Variants in RAB10 observed in about 807,000 individuals in gnomAD.
RAB10 encodes the protein ras-related protein Rab-10.
Under a neutral mutation model 25.7 loss-of-function variants are expected in RAB10, and 5 were observed. The ratio of observed to expected loss-of-function variants is 0.19; its 90% CI spans 0.10 to 0.41. RAB10 has a LOEUF of 0.41. RAB10 is among the 10% of genes least tolerant of loss of function. RAB10 has a pLI of 1.00. For missense variants in RAB10, 103 were observed against 245.8 expected (o/e 0.42, Z 3.89); for synonymous variants, 89 against 86.4 (o/e 1.03, Z -0.16).
At chr2:26,115,709 T>C (rs1667669754) in intron 3 of RAB10, among the ~76,000 whole-genome samples, 1 of 152,142 alleles carries the variant, frequency 6.6e-6, no homozygotes, top group Admixed American at 6.6e-5. Flanking sequence ...AATTGTATAT[T>C]TTTACAGGGT....
At chr2:26,111,010 G>T (rs908354495) in intron 3 of RAB10, among the ~76,000 whole-genome samples, 4 of 152,106 alleles carry the variant, frequency 2.6e-5, no homozygotes, top group Non-Finnish European at 5.9e-5. Flanking sequence ...CCAGCCTGAT[G>T]TTACTTTTTA....
chr2:26,107,645 C>A (rs4665308), intron 2 of RAB10, among the ~76,000 whole-genome samples: 116,401 of 151,842 alleles, frequency 0.77, 44,672 homozygotes, highest in East Asian at 0.87. Flanking sequence ...AAAATACAAC[C>A]GTTGGCTGGG....
At chr2:26,092,821 G>A (rs560822778) in intron 1 of RAB10, among the ~76,000 whole-genome samples, 23 of 152,192 alleles carry the variant, frequency 1.5e-4, no homozygotes, top group African/African-American at 3.9e-4. Context: ...CTAGACAGCC[G>A]GGTCATTTTA....
chr2:26,064,865 A>G (rs1666480524), intron 1 of RAB10, among the ~76,000 whole-genome samples: 1 of 152,068 alleles, frequency 6.6e-6, no homozygotes, highest in African/African-American at 2.4e-5. Flanking sequence ...TAGTCAACCT[A>G]GCAAGACTCC....
chr2:26,071,328 G>A (rs555800933), intron 1 of RAB10, among the ~76,000 whole-genome samples: 1 of 152,288 alleles, frequency 6.6e-6, no homozygotes, highest in African/African-American at 2.4e-5. Flanking sequence ...TGAGTCCTTG[G>A]CAGATACTGT....
intron 1 of RAB10, among the ~76,000 whole-genome samples, chr2:26,094,359 C>T (rs541913951): frequency 3.9e-5 from 6 of 151,936 alleles, no homozygotes; most frequent in African/African-American, 1.4e-4. Flanking sequence ...TCAAGCAATT[C>T]CCCTATCTCA....
At chr2:26,130,235 A>G (rs1433449715) in intron 5 of RAB10, among the ~76,000 whole-genome samples, 1 of 152,194 alleles carries the variant, frequency 6.6e-6, no homozygotes, top group Non-Finnish European at 1.5e-5. Flanking sequence ...AAATAAATCT[A>G]TATTATTTAT....
chr2:26,135,629 G>T lies in RAB10; in HGVS notation c.*608G>T, dbSNP rs1199260970. 6.6e-6 allele frequency: 1 copy of T among 152,598 alleles called. No individual in the cohort carries two copies. The highest frequency in any genetic ancestry group is 1.5e-5 in the Non-Finnish European group (1 of 68,030). The allele number at this position is 152,598 out of a possible 1,614,324, so 9.5% of individuals were successfully genotyped here. On this transcript the variant is annotated 3_prime_UTR_variant, in exon 6 of 6. Transcript: ENST00000264710. ...CCAAACATAAACCATTAAAATGTTT[G>T]TGGTTTGCTTGGCTGTAATTTTCAA...
At chr2:26,054,524 T>C (rs1666208750) in intron 1 of RAB10, among the ~76,000 whole-genome samples, 1 of 152,216 alleles carries the variant, frequency 6.6e-6, no homozygotes, top group Non-Finnish European at 1.5e-5. Context: ...TCTAGTAGTT[T>C]CTTTTTGCAT....
chr2:26,126,012 C>A (rs181378661), intron 3 of RAB10, among the ~76,000 whole-genome samples: 1 of 152,132 alleles, frequency 6.6e-6, no homozygotes, highest in East Asian at 1.9e-4. Context: ...GGTCTTTGAT[C>A]TAGTTCAAGT....
chr2:26,054,599 A>G (rs1356788626), intron 1 of RAB10, among the ~76,000 whole-genome samples: 1 of 152,232 alleles, frequency 6.6e-6, no homozygotes, highest in Admixed American at 6.5e-5. Flanking sequence ...AGGTAAATAT[A>G]ATATCAGAAT....
intron 1 of RAB10, among the ~76,000 whole-genome samples, chr2:26,052,276 C>G (rs1239546476): frequency 6.6e-6 from 1 of 151,770 alleles, no homozygotes; most frequent in Non-Finnish European, 1.5e-5. Context: ...GTCCCAGCTA[C>G]TTGGGAGGCA....
At chr2:26,098,279 C>G (rs1032219809) in intron 1 of RAB10, among the ~76,000 whole-genome samples, 4 of 151,860 alleles carry the variant, frequency 2.6e-5, no homozygotes, top group Admixed American at 2.0e-4. Context: ...TGCCACTATG[C>G]CTGGCTAATT....
intron 3 of RAB10, among the ~76,000 whole-genome samples, chr2:26,110,696 T>G (rs546516960): frequency 4.0e-5 from 6 of 150,556 alleles, no homozygotes; most frequent in African/African-American, 4.9e-5. Flanking sequence ...GAAAATGTTG[T>G]TTTTTTTTCT....
intron 1 of RAB10, among the ~76,000 whole-genome samples, chr2:26,044,904 G>T (rs920808041): frequency 2.0e-5 from 3 of 151,702 alleles, no homozygotes; most frequent in Admixed American, 1.3e-4. Flanking sequence ...CTCATTCTGA[G>T]AATTTCATTG....
At chr2:26,108,088 G>T (rs1440141220) in intron 2 of RAB10, among the ~76,000 whole-genome samples, 1 of 152,190 alleles carries the variant, frequency 6.6e-6, no homozygotes, top group Non-Finnish European at 1.5e-5. Flanking sequence ...AGCCACTCTG[G>T]AAAAAGTTGG....
At position 26,135,276 on chromosome 2, in the gene RAB10, A is replaced by T; in HGVS notation, c.*255A>T. 1 of 391,114 alleles carries T rather than the reference A, an allele frequency of 2.6e-6. No homozygotes were observed. The highest frequency in any genetic ancestry group is 4.6e-6 in the Non-Finnish European group (1 of 217,896). The allele number at this position is 391,114 out of a possible 1,614,324, so 24.2% of individuals were successfully genotyped here. On this transcript the variant is annotated 3_prime_UTR_variant, in exon 6 of 6. Coordinates refer to ENST00000264710, the MANE Select transcript of RAB10 (RefSeq NM_016131.5). Reference sequence around the variant, plus strand: ...AAATGTACTTGCTCAGCTCAACTGCATTTCAGTTGTATTATAGTCCAGTTC... The same window carrying T: ...AAATGTACTTGCTCAGCTCAACTGCTTTTCAGTTGTATTATAGTCCAGTTC...
At position 26,137,209 on chromosome 2, in the gene RAB10, AAATC is replaced by A. The variant is rs1422409882; in HGVS notation, c.*2192_*2195del. 2.0e-5 allele frequency: 3 copies of A among 152,700 alleles called. No individual in the cohort carries two copies. Among genetic ancestry groups the A allele is most frequent in the Non-Finnish European group, 2.9e-5 (2 of 68,046 alleles). 9.5% of individuals were successfully genotyped at this position (152,700 alleles called of 1,614,324 possible). A position where few individuals can be genotyped will look rare whatever the true frequency, so the allele number is the denominator to read the frequency against. ...ATATCAAAAAAGGGAAATGAAGTAT[AAATC>A]AATTTTTGTATAATCTGTTTGAAAC... On this transcript the variant is annotated 3_prime_UTR_variant, in exon 6 of 6. Coordinates refer to ENST00000264710, the MANE Select transcript of RAB10 (RefSeq NM_016131.5).
At chr2:26,049,006 A>G (rs60948852) in intron 1 of RAB10, among the ~76,000 whole-genome samples, 2,297 of 152,238 alleles carry the variant, frequency 0.015, 41 homozygotes, top group African/African-American at 0.04. Context: ...TCCAATTTAT[A>G]AATCATGCTT....
Sources: gnomAD v4.1 joint callset for allele counts (sites outside exome capture counted in the v4.1 genomes callset) on GRCh38, gnomAD v4.1.1 for gene constraint, MANE v1.5 for transcripts, NCBI Gene and HGNC (gene_info 2026-07-23, HGNC 2026-07-21) for gene names.